MAGEC3: variants seen among roughly 807,000 people sequenced by gnomAD.
MAGEC3 encodes MAGE family member C3.
MAGEC3 carries 34 observed loss-of-function variants against 35.3 expected under a neutral mutation model. That is an observed-to-expected ratio of 0.96 (90% confidence interval 0.73 to 1.28). The LOEUF (loss-of-function observed/expected upper bound fraction) is 1.28, where lower values mean the gene tolerates loss of function less well. MAGEC3 is among the 50% of genes most tolerant of loss of function. The probability of loss-of-function intolerance (pLI) is 0.00; values close to 1 mark genes in which losing one functional copy is unlikely to be tolerated. For missense variants in MAGEC3, 561 were observed against 483.6 expected, an observed-to-expected ratio of 1.16 and a Z score of -1.50; for synonymous variants, 202 against 185.6, an observed-to-expected ratio of 1.09 and a Z score of -0.72.
intron 4 of MAGEC3, among the ~76,000 whole-genome samples, chrX:141,891,320 C>T (rs1410358678): frequency 6.3e-5 from 7 of 111,534 alleles, no homozygotes; most frequent in Non-Finnish European, 1.9e-5. Context: ...CCATAACACC[C>T]TGCCAACTAA....
chrX:141,868,535 A>G (rs1168867776), intron 2 of MAGEC3, among the ~76,000 whole-genome samples: 1 of 112,112 alleles, frequency 8.9e-6, no homozygotes, highest in Non-Finnish European at 1.9e-5. Flanking sequence ...AATTATTTAT[A>G]TACAGTGCAG....
At chrX:141,845,987 A>G (rs747855572) in intron 1 of MAGEC3, among the ~76,000 whole-genome samples, 5 of 111,023 alleles carry the variant, frequency 4.5e-5, no homozygotes, top group Non-Finnish European at 9.5e-5. Context: ...CATCTAAAAC[A>G]GGGTCTAACA....
At chrX:141,844,557 C>T (rs1030160871) in intron 1 of MAGEC3, among the ~76,000 whole-genome samples, 1 of 111,063 alleles carries the variant, frequency 9.0e-6, no homozygotes, top group Non-Finnish European at 1.9e-5. Context: ...TGTGGAAAAA[C>T]ATCAATTATC....
chrX:141,861,010 A>G (rs2017812180), intron 1 of MAGEC3, among the ~76,000 whole-genome samples: 1 of 111,757 alleles, frequency 8.9e-6, no homozygotes, highest in Non-Finnish European at 1.9e-5. Context: ...ATATTTCACC[A>G]TAATTAAAAT....
intron 1 of MAGEC3, among the ~76,000 whole-genome samples, chrX:141,864,442 T>C (rs2017835575): frequency 1.8e-5 from 2 of 111,564 alleles, no homozygotes; most frequent in Non-Finnish European, 3.8e-5. Flanking sequence ...ATATGGTAAG[T>C]GTATGTTTAT....
In MAGEC3 at chrX:141,865,624, G is replaced by C. The variant is rs1248503636; in HGVS notation, c.258+19G>C. Reference sequence around the variant, plus strand: ...CTTCAAGGTAAGGACTCTAAGGAAAGACTGAGGGGACCTCCTGCCACAGAT... The same window carrying C: ...CTTCAAGGTAAGGACTCTAAGGAAACACTGAGGGGACCTCCTGCCACAGAT... On this transcript the variant is annotated intron_variant, in intron 2 of 7. Transcript: ENST00000298296. 8.4e-7 allele frequency: 1 copy of C among 1,191,535 alleles called. No individual in the cohort carries two copies. Among genetic ancestry groups the C allele is most frequent in the Non-Finnish European group, 1.1e-6 (1 of 884,521 alleles).
intron 2 of MAGEC3, among the ~76,000 whole-genome samples, chrX:141,869,758 A>G (rs1159605780): frequency 8.9e-6 from 1 of 112,243 alleles, no homozygotes; most frequent in Non-Finnish European, 1.9e-5. Flanking sequence ...TAGAAACACA[A>G]CTGACAAAGA....
chrX:141,856,676 T>C (rs1301579957), intron 1 of MAGEC3, among the ~76,000 whole-genome samples: 2 of 111,450 alleles, frequency 1.8e-5, no homozygotes, highest in Non-Finnish European at 3.8e-5. Context: ...AATAGGTGAA[T>C]AGATAAAGAA....
chrX:141,874,844 AAC>A (rs1481926155), intron 2 of MAGEC3, among the ~76,000 whole-genome samples: 10 of 110,388 alleles, frequency 9.1e-5, no homozygotes, highest in African/African-American at 3.0e-4. Flanking sequence ...AGATAAAGAA[AAC>A]ACACTAAACA....
rs1216178931 is a variant in MAGEC3, at chrX:141,897,166, A to G, written c.1408A>G (p.Lys470Glu). 9 of 1,210,405 alleles carry G rather than the reference A, an allele frequency of 7.4e-6. No individual in the cohort carries two copies. The highest frequency in any genetic ancestry group is 1.0e-5 in the Non-Finnish European group (9 of 895,347). Residue 470 changes from lysine (K) to glutamate (E), a missense_variant, in exon 7 of 8, where the codon AAA becomes GAA. By Grantham distance (56) the Lys-to-Glu change is moderately conservative. Coordinates refer to ENST00000298296, the MANE Select transcript of MAGEC3 (RefSeq NM_138702.1). ...TGAGTTGGTGCAGTTTCTTCTCCTCAAATATCAAACAAAAGAGCCTGTCAC... is the reference window on the plus strand; with the variant it reads ...TGAGTTGGTGCAGTTTCTTCTCCTCGAATATCAAACAAAAGAGCCTGTCAC... ...VAELVQFLLL[K>E]YQTKEPVTKA...
At chrX:141,896,403 C>T (rs1720911677) in intron 6 of MAGEC3, 4 of 1,097,085 alleles carry the variant, frequency 3.6e-6, no homozygotes, top group Admixed American at 3.4e-5. Context: ...AGCTGTGCCC[C>T]GAGGTGCTTT....
intron 1 of MAGEC3, among the ~76,000 whole-genome samples, chrX:141,845,820 G>A (rs1284593268): frequency 9.0e-6 from 1 of 110,942 alleles, no homozygotes; most frequent in East Asian, 2.8e-4. Context: ...ATGGGCAACT[G>A]TTTATGACCA....
intron 6 of MAGEC3, chrX:141,896,116 G>A (rs1319548400): frequency 1.3e-4 from 17 of 132,945 alleles, no homozygotes; most frequent in African/African-American, 5.7e-4. Flanking sequence ...CCAGCTGTCA[G>A]CCTTGGGAGG....
chrX:141,865,082 T>G (rs1394606250), intron 1 of MAGEC3, among the ~76,000 whole-genome samples: 2 of 112,078 alleles, frequency 1.8e-5, no homozygotes, highest in African/African-American at 6.5e-5. Flanking sequence ...TGTTTTCTAA[T>G]TTTTGGATTT....
chrX:141,843,922 CT>C (rs1207360739), intron 1 of MAGEC3, among the ~76,000 whole-genome samples: 1 of 110,790 alleles, frequency 9.0e-6, no homozygotes, highest in African/African-American at 3.3e-5. Flanking sequence ...AAGCGCATCC[CT>C]TATCCAGGGA....
rs182099773 is a variant in MAGEC3, at chrX:141,852,338, G to T, written c.124-13133G>T. ...ATATCTAATAATAGTATTTTTGTGT[G>T]TATGTGCGGATCCTTTAGGATTTTC... is the stretch of plus-strand genomic sequence containing the variant. On this transcript the variant is annotated intron_variant, in intron 1 of 7. Transcript: ENST00000298296. Among the ~76,000 whole-genome samples the T allele has an allele frequency of 4.5e-4, 50 of 110,323 alleles. 1 individual carries two copies. The highest frequency in any genetic ancestry group is 8.4e-4 in the Non-Finnish European group (44 of 52,516).
chrX:141,850,123 CAT>C (rs1186084660), intron 1 of MAGEC3, among the ~76,000 whole-genome samples: 1 of 111,038 alleles, frequency 9.0e-6, no homozygotes, highest in Non-Finnish European at 1.9e-5. Context: ...AATGTAGAAA[CAT>C]AAAACTAAAT....
At chrX:141,871,703 A>G (rs1468890925) in intron 2 of MAGEC3, among the ~76,000 whole-genome samples, 2 of 111,987 alleles carry the variant, frequency 1.8e-5, no homozygotes, top group African/African-American at 6.5e-5. Context: ...ATTTTCAGAG[A>G]AAGAATCCAG....
chrX:141,882,218 G>A (rs749576067), intron 4 of MAGEC3, among the ~76,000 whole-genome samples: 1 of 111,724 alleles, frequency 9.0e-6, no homozygotes, highest in East Asian at 2.8e-4. Flanking sequence ...GGGCCCGGGT[G>A]GGGCTTGAGG....
Sources: gnomAD v4.1 joint callset for allele counts (sites outside exome capture counted in the v4.1 genomes callset) on GRCh38, gnomAD v4.1.1 for gene constraint, MANE v1.5 for transcripts, NCBI Gene and HGNC (gene_info 2026-07-23, HGNC 2026-07-21) for gene names.